COL9A3: variants seen among roughly 807,000 people sequenced by gnomAD.
COL9A3 encodes the protein collagen type IX alpha 3 chain, also known as collagen alpha-3(IX) chain.
COL9A3 carries 82 observed loss-of-function variants against 110.2 expected under a neutral mutation model. The ratio of observed to expected loss-of-function variants is 0.74; its 90% CI spans 0.62 to 0.89. The LOEUF is 0.89. COL9A3 is among the 40% of genes least tolerant of loss of function. The probability of loss-of-function intolerance (pLI) is 0.00; values close to 1 mark genes in which losing one functional copy is unlikely to be tolerated. For synonymous variants in COL9A3, 494 were observed against 403.8 expected (o/e 1.22, Z -2.68); for missense variants, 1,066 against 981.3 (o/e 1.09, Z -1.15).
chr20:62,817,806 C>T, intron 2 of COL9A3, 171 bp downstream of exon 2: 1 of 660,448 alleles, frequency 1.5e-6, no homozygotes, highest in African/African-American at 1.8e-5. Flanking sequence ...CCTGCGGGGA[C>T]TGCTGGTGGG....
chr20:62,821,901 T>C, intron 8 of COL9A3, 91 bp downstream of exon 8: 1 of 812,974 alleles, frequency 1.2e-6, no homozygotes, highest in Non-Finnish European at 2.1e-6. Flanking sequence ...CCCCTCTCCC[T>C]TTTCCCTTTC....
Position 62,827,248 on chromosome 20 carries a change from G to A in COL9A3, c.800G>A (p.Arg267Gln), listed in dbSNP as rs749822735. The part of the protein sequence containing the change: ...IPGAPGKAGD[R>Q]GERGPEGFRG... ...CCACCTCATCCTTTCCAGGGTGACC[G>A]AGGCGAGAGGGGCCCAGAAGGGTTC... Residue 267 changes from arginine to glutamine, a missense_variant, in exon 16 of 32, where the codon CGA (arginine) becomes CAA (glutamine). By Grantham distance (43) the Arg-to-Gln change is conservative. Coordinates refer to ENST00000649368, the MANE Select transcript of COL9A3 (RefSeq NM_001853.4). 39 of 1,613,154 alleles carry A rather than the reference G, an allele frequency of 2.4e-5. 1 individual carries two copies. The highest frequency in any genetic ancestry group is 8.8e-5 in the South Asian group (8 of 91,088).
intron 25 of COL9A3, 151 bp from the exon 26 acceptor site, chr20:62,832,869 G>C (rs887358822): frequency 2.8e-6 from 2 of 716,518 alleles, no homozygotes; most frequent in South Asian, 1.5e-5. Flanking sequence ...TGTTTGGAGC[G>C]GGTTAAAAGG....
chr20:62,828,073 C>A, intron 17 of COL9A3, 97 bp downstream of exon 17: 1 of 1,247,280 alleles, frequency 8.0e-7, no homozygotes, highest in Non-Finnish European at 1.2e-6. Context: ...TCAGTGCCCT[C>A]TGCTGTGGCC....
chr20:62,840,640 G>T lies in COL9A3; in HGVS notation c.1963G>T (p.Ala655Ser). 6.2e-7 allele frequency: 1 copy of T among 1,611,374 alleles called. No homozygotes were observed. The highest frequency in any genetic ancestry group is 8.5e-7 in the Non-Finnish European group (1 of 1,179,132). The part of the protein sequence containing the change: ...GDPGLPGAIG[A>S]QGTPGICDTS... ...TCCTGGGCTTCCAGGTGCCATTGGG[G>T]CCCAGGGGACACCGGGGATCTGCGA... Residue 655 changes from alanine to serine, a missense_variant, in exon 32 of 32, where the codon GCC (alanine) becomes TCC (serine). Transcript: ENST00000649368.
chr20:62,821,579 G>A, intron 7 of COL9A3, 49 bp downstream of exon 7: 1 of 1,612,214 alleles, frequency 6.2e-7, no homozygotes, highest in Non-Finnish European at 8.5e-7. Context: ...CAAGTCCCGA[G>A]AGCCTGCCAG....
chr20:62,839,849 C>G (rs1445448153), intron 31 of COL9A3, among the ~76,000 whole-genome samples: 1 of 151,894 alleles, frequency 6.6e-6, no homozygotes, highest in African/African-American at 2.4e-5. Context: ...CTGGAGCCCT[C>G]TCCCCTTCTC....
intron 29 of COL9A3, chr20:62,836,839 G>A: frequency 1.6e-6 from 1 of 644,552 alleles, no homozygotes; most frequent in African/African-American, 1.8e-5. Flanking sequence ...TGGCAGGGCA[G>A]GTCCCTAAAC....
rs1485049808 is a variant in COL9A3, at chr20:62,824,854, C to T, written c.577-114C>T. On this transcript the variant is annotated intron_variant, in intron 11 of 31. Coordinates refer to ENST00000649368, the MANE Select transcript of COL9A3 (RefSeq NM_001853.4). Reference sequence around the variant, plus strand: ...GAGGGCCCAGACCCGCGGTCCTGTGCGCTGCCGTGTGGCGGGCCCTGGGCT... The same window carrying T: ...GAGGGCCCAGACCCGCGGTCCTGTGTGCTGCCGTGTGGCGGGCCCTGGGCT... 23 of 1,144,128 alleles carry T rather than the reference C, an allele frequency of 2.0e-5. No homozygotes were observed. In the Admixed American group the frequency reaches 2.4e-4, roughly 12 times the overall value. 70.9% of individuals were successfully genotyped at this position (1,144,128 alleles called of 1,614,324 possible). A position where few individuals can be genotyped will look rare whatever the true frequency, so the allele number is the denominator to read the frequency against.
At chr20:62,827,461 C>G (rs1600799392) in intron 16 of COL9A3, among the ~76,000 whole-genome samples, 167 bp downstream of exon 16, 2 of 152,164 alleles carry the variant, frequency 1.3e-5, no homozygotes, top group East Asian at 3.9e-4. Context: ...GGCCCGAGCT[C>G]TCTCCCTGGC....
chr20:62,840,393 C>CT, intron 31 of COL9A3, 149 bp from the exon 32 acceptor site: 2 of 745,432 alleles, frequency 2.7e-6, no homozygotes, highest in Non-Finnish European at 4.5e-6. Context: ...CCTTTGTGTG[C>CT]CGTTCCCTCG....
chr20:62,837,866 C>T (rs1209601204), intron 30 of COL9A3, among the ~76,000 whole-genome samples: 1 of 152,102 alleles, frequency 6.6e-6, no homozygotes, highest in Non-Finnish European at 1.5e-5. Context: ...CCTGTAATCC[C>T]AGCACGTTGG....
chr20:62,834,618 G>A (rs2063621168), intron 26 of COL9A3, among the ~76,000 whole-genome samples: 1 of 152,090 alleles, frequency 6.6e-6, no homozygotes, highest in South Asian at 2.1e-4. Context: ...AAAGACCTCA[G>A]TTGTATGTGT....
chr20:62,819,873 G>A (rs1382761846), intron 4 of COL9A3, 56 bp from the exon 5 acceptor site: 2 of 1,603,018 alleles, frequency 1.2e-6, no homozygotes, highest in African/African-American at 1.3e-5. Flanking sequence ...TTTTGCCTGG[G>A]GGGTGGCATG....
intron 16 of COL9A3, 85 bp downstream of exon 16, chr20:62,827,379 A>C: frequency 7.0e-7 from 1 of 1,425,154 alleles, no homozygotes; most frequent in Non-Finnish European, 9.8e-7. Flanking sequence ...AGGGGGACAC[A>C]CTTGGGAGTG....
upstream of COL9A3, among the ~76,000 whole-genome samples, chr20:62,816,652 T>C (rs1055927280): frequency 6.6e-6 from 1 of 152,028 alleles, no homozygotes; most frequent in South Asian, 2.1e-4. Context: ...CTCCGGCGCC[T>C]GGGGAGGGGT....
rs112169318 is a variant in COL9A3 at position 62,818,787 on chromosome 20, C to T, written c.183+234C>T. Among the ~76,000 whole-genome samples, 1,088 of 152,256 alleles carry T rather than the reference C, an allele frequency of 7.1e-3. 7 individuals are homozygous for T. The highest frequency in any genetic ancestry group is 9.7e-3 in the Non-Finnish European group (663 of 68,024). ...GGCTTTGAAGCTTTCTTTGGACCAG[C>T]GCCAGGCAGGCCGGGACCGGGGCTG... On this transcript the variant is annotated intron_variant, in intron 3 of 31. Transcript: ENST00000649368.
Position 62,829,791 on chromosome 20 carries a change from G to A in COL9A3, c.1133G>A (p.Arg378His), listed in dbSNP as rs145729725. Residue 378 changes from arginine (R) to histidine (H), a missense_variant, in exon 22 of 32, where the codon CGC (arginine) becomes CAC (histidine). Physicochemically the swap from Arg to His is conservative, Grantham distance 29 (BLOSUM62 0). Coordinates refer to ENST00000649368, the MANE Select transcript of COL9A3 (RefSeq NM_001853.4). ...GGAGATGCTGGCATGCCTGGGGAGCGCGGTGAGGCTGGCCACCGGGGCTCA... is the reference window on the plus strand; with the variant it reads ...GGAGATGCTGGCATGCCTGGGGAGCACGGTGAGGCTGGCCACCGGGGCTCA... ...VPGDAGMPGE[R>H]GEAGHRGSAG... is the part of the protein sequence containing the mutation. The A allele has an allele frequency of 1.6e-4, 247 of 1,585,112 alleles. No individual in the cohort carries two copies. The highest frequency in any genetic ancestry group is 1.9e-4 in the Non-Finnish European group (222 of 1,166,226).
intron 5 of COL9A3, among the ~76,000 whole-genome samples, chr20:62,820,226 G>A (rs1428613282): frequency 6.6e-6 from 1 of 152,072 alleles, no homozygotes; most frequent in Non-Finnish European, 1.5e-5. Context: ...CAGGGAGAAG[G>A]GGGATGGTTT....
Sources: gnomAD v4.1 joint callset for allele counts (sites outside exome capture counted in the v4.1 genomes callset) on GRCh38, gnomAD v4.1.1 for gene constraint, MANE v1.5 for transcripts, NCBI Gene and HGNC (gene_info 2026-07-23, HGNC 2026-07-21) for gene names.